DLGAP2: variants seen among roughly 807,000 people sequenced by gnomAD.
DLGAP2 encodes disks large-associated protein 2.
Under a neutral mutation model 100.3 loss-of-function variants are expected in DLGAP2, and 26 were observed. The observed-to-expected ratio is 0.26, with a 90% CI of 0.19 to 0.36. The LOEUF (loss-of-function observed/expected upper bound fraction) is 0.36, where lower values mean the gene tolerates loss of function less well. Among genes scored for constraint, DLGAP2 ranks in the 10% least tolerant of loss-of-function variants. The pLI is 1.00. For missense variants in DLGAP2, 1,858 were observed against 1,453.2 expected (o/e 1.28, Z -4.53); for synonymous variants, 886 against 630.1 (o/e 1.41, Z -6.08).
At chr8:997,867 AAC>A (rs200350545) in intron 2 of DLGAP2, among the ~76,000 whole-genome samples, 2,128 of 107,116 alleles carry the variant, frequency 0.02, 48 homozygotes, top group African/African-American at 0.056. Flanking sequence ...CATACACACA[AAC>A]ACACATACAC....
intron 1 of DLGAP2, among the ~76,000 whole-genome samples, chr8:795,842 GGTGAGAGCAGGCGTCCA>G (rs1563035040): frequency 0.016 from 141 of 9,042 alleles, 25 homozygotes; most frequent in South Asian, 0.041. Flanking sequence ...GCAGCTGTCC[GGTGAGAGCAGGCGTCCA>G]GTGAGAGCAG....
At chr8:1,526,333 G>A (rs1226053398) in intron 4 of DLGAP2, among the ~76,000 whole-genome samples, 2 of 151,928 alleles carry the variant, frequency 1.3e-5, no homozygotes, top group South Asian at 4.2e-4. Flanking sequence ...ACGCCTACCG[G>A]CAGGGCTGAG....
At chr8:1,620,630 C>G (rs530943226) in intron 6 of DLGAP2, 15 of 152,388 alleles carry the variant, frequency 9.8e-5, no homozygotes, top group African/African-American at 3.4e-4. Context: ...CATCTCACCT[C>G]TAACACATTC....
At chr8:794,946 G>C (rs1455485952) in intron 1 of DLGAP2, among the ~76,000 whole-genome samples, 5 of 152,172 alleles carry the variant, frequency 3.3e-5, no homozygotes, top group South Asian at 2.1e-4. Context: ...TGTGTTATGC[G>C]TGTGGCTTGT....
intron 6 of DLGAP2, among the ~76,000 whole-genome samples, chr8:1,582,741 C>G (rs139725259): frequency 1.1e-3 from 171 of 152,244 alleles, no homozygotes; most frequent in African/African-American, 4.1e-3. Flanking sequence ...AAGTGTGCAC[C>G]ACCACACCCG....
chr8:1,282,893 C>T (rs1437882737), intron 3 of DLGAP2, among the ~76,000 whole-genome samples: 1 of 133,994 alleles, frequency 7.5e-6, no homozygotes, highest in Admixed American at 7.9e-5. Context: ...ACCATCCGGA[C>T]GTGGTGTGAC....
chr8:1,467,062 G>A (rs12544024), intron 3 of DLGAP2, among the ~76,000 whole-genome samples: 67,956 of 151,932 alleles, frequency 0.45, 16,147 homozygotes, highest in East Asian at 0.78. Context: ...AAAGAAGACG[G>A]ATGCCCGGCC....
At chr8:1,570,231 C>T (rs1246940721) in intron 6 of DLGAP2, among the ~76,000 whole-genome samples, 1 of 152,250 alleles carries the variant, frequency 6.6e-6, no homozygotes. Flanking sequence ...CTTCATTCTG[C>T]TGGCCTCCAG....
chr8:1,531,727 G>C (rs1303735338), intron 4 of DLGAP2, among the ~76,000 whole-genome samples: 2 of 152,016 alleles, frequency 1.3e-5, no homozygotes, highest in African/African-American at 4.8e-5. Flanking sequence ...CAACTCGTGT[G>C]GTCTTGGTGT....
At chr8:1,029,071 CAG>C (rs1378615261) in intron 2 of DLGAP2, among the ~76,000 whole-genome samples, 1 of 152,176 alleles carries the variant, frequency 6.6e-6, no homozygotes, top group African/African-American at 2.4e-5. Context: ...CAGCTGGAAA[CAG>C]GTAGTGAGGC....
intron 4 of DLGAP2, among the ~76,000 whole-genome samples, chr8:1,519,377 G>A (rs1053853540): frequency 3.9e-5 from 6 of 152,268 alleles, no homozygotes; most frequent in Middle Eastern, 3.4e-3. Flanking sequence ...CTGACTGCCC[G>A]AAATTCAGTG....
chr8:1,321,766 T>C (rs1421577971), intron 3 of DLGAP2, among the ~76,000 whole-genome samples: 1 of 152,218 alleles, frequency 6.6e-6, no homozygotes, highest in East Asian at 1.9e-4. Context: ...ACTTTAGAAT[T>C]CTAAAGGGGA....
rs181895720 is a variant in DLGAP2 at position 1,563,228 on chromosome 8, G to A, written c.1231-2455G>A. On this transcript the variant is annotated intron_variant, in intron 5 of 14. Transcript: ENST00000637795. ...TCGTTACTGGGGGACTGGTGTTGGA[G>A]TGTCTGCGCCTCGTTACTGGGGGAC... is the stretch of plus-strand genomic sequence containing the variant. Among the ~76,000 whole-genome samples, 3 of 40,980 alleles carry A rather than the reference G, an allele frequency of 7.3e-5. 1 individual carries two copies. The highest frequency in any genetic ancestry group is 2.9e-4 in the African/African-American group (3 of 10,348). The allele number at this position is 40,980 out of a possible 152,430, so 26.9% of individuals were successfully genotyped here.
intron 2 of DLGAP2, among the ~76,000 whole-genome samples, chr8:1,138,257 G>A (rs532978551): frequency 1.3e-5 from 2 of 152,290 alleles, no homozygotes; most frequent in East Asian, 3.9e-4. Context: ...TCTAAGCATC[G>A]CAGGAGCCTA....
At chr8:746,845 G>A (rs1820628643) in intron 1 of DLGAP2, among the ~76,000 whole-genome samples, 1 of 152,232 alleles carries the variant, frequency 6.6e-6, no homozygotes, top group Admixed American at 6.5e-5. Flanking sequence ...TCCCGGTGTA[G>A]CCCCTGCTGG....
chr8:1,057,175 C>T (rs1022022553), intron 2 of DLGAP2, among the ~76,000 whole-genome samples: 4 of 152,194 alleles, frequency 2.6e-5, no homozygotes, highest in Non-Finnish European at 5.9e-5. Context: ...TACCCTAGGA[C>T]ACACAGTTCC....
chr8:801,111 A>G (rs1262882005), intron 1 of DLGAP2, among the ~76,000 whole-genome samples: 2 of 152,190 alleles, frequency 1.3e-5, no homozygotes, highest in Non-Finnish European at 2.9e-5. Flanking sequence ...ATCCCACTGC[A>G]TGATCGGTTG....
Position 1,632,972 on chromosome 8 carries a change from G to A in DLGAP2, c.1736G>A (p.Gly579Asp). 12 of 1,613,960 alleles carry A rather than the reference G, an allele frequency of 7.4e-6. No homozygotes were observed. Among genetic ancestry groups the A allele is most frequent in the Non-Finnish European group, 1.0e-5 (12 of 1,179,890 alleles). The stretch of plus-strand genomic sequence containing the variant: ...AGCTACCTTCGAGCCATTCAAGCCG[G>A]CTACTCCCAAGATGACGAATGTATT... Reference protein sequence around the residue: ...SHSYLRAIQAGYSQDDECIPM... With the variant: ...SHSYLRAIQADYSQDDECIPM... The change falls in exon 8 of 15, where the codon GGC becomes GAC. Residue 579 changes from glycine (G) to aspartate (D), a missense_variant. Coordinates refer to ENST00000637795, the MANE Select transcript of DLGAP2 (RefSeq NM_001346810.2).
At chr8:1,148,672 C>A (rs1183001770) in intron 2 of DLGAP2, among the ~76,000 whole-genome samples, 1 of 152,072 alleles carries the variant, frequency 6.6e-6, no homozygotes, top group Non-Finnish European at 1.5e-5. Flanking sequence ...TCTCTTTTGA[C>A]AAAAATATTT....
Sources: gnomAD v4.1 joint callset for allele counts (sites outside exome capture counted in the v4.1 genomes callset) on GRCh38, gnomAD v4.1.1 for gene constraint, MANE v1.5 for transcripts, NCBI Gene and HGNC (gene_info 2026-07-23, HGNC 2026-07-21) for gene names.